Variants in NEK10 observed in about 807,000 individuals in gnomAD.
The protein encoded by NEK10 is serine/threonine-protein kinase Nek10.
NEK10 carries 122 observed loss-of-function variants against 159.8 expected under a neutral mutation model. The ratio of observed to expected loss-of-function variants is 0.76; its 90% CI spans 0.66 to 0.89. The LOEUF (loss-of-function observed/expected upper bound fraction) is 0.89. NEK10 is among the 40% of genes least tolerant of loss of function. The probability of loss-of-function intolerance (pLI) is 0.00; values close to 1 mark genes in which losing one functional copy is unlikely to be tolerated. For synonymous variants in NEK10, 466 were observed against 457.1 expected, an observed-to-expected ratio of 1.02 and a Z score of -0.25; for missense variants, 1,342 against 1,323.1, an observed-to-expected ratio of 1.01 and a Z score of -0.22.
chr3:27,159,568 A>C (rs990112239), intron 30 of NEK10, among the ~76,000 whole-genome samples: 7 of 152,090 alleles, frequency 4.6e-5, no homozygotes, highest in Admixed American at 2.0e-4. Context: ...TATTCATATT[A>C]ATTACTGGTA....
chr3:27,162,315 C>T (rs1946088206), intron 30 of NEK10: 1 of 1,382,974 alleles, frequency 7.2e-7, no homozygotes, highest in Non-Finnish European at 9.6e-7. Context: ...AATCGCCAAA[C>T]TAATAATGGT....
chr3:27,285,620 C>CT (rs2042534715), intron 20 of NEK10, among the ~76,000 whole-genome samples: 1 of 151,890 alleles, frequency 6.6e-6, no homozygotes, highest in African/African-American at 2.4e-5. Context: ...TTGTGTTTGT[C>CT]TTTTTGCTTT....
intron 23 of NEK10, among the ~76,000 whole-genome samples, chr3:27,205,228 A>C (rs1362981593): frequency 2.7e-5 from 4 of 150,206 alleles, no homozygotes; most frequent in South Asian, 4.4e-4. Context: ...AAATGGATAA[A>C]CATTCCATGC....
At chr3:27,191,982 C>A in intron 26 of NEK10, 47 bp downstream of exon 26, 1 of 1,528,294 alleles carries the variant, frequency 6.5e-7, no homozygotes, top group Non-Finnish European at 9.1e-7. Context: ...CAACTTCAGA[C>A]AGCCCATTAG....
intron 3 of NEK10, among the ~76,000 whole-genome samples, chr3:27,350,378 A>G (rs2047883471): frequency 6.6e-6 from 1 of 152,184 alleles, no homozygotes; most frequent in Admixed American, 6.5e-5. Flanking sequence ...CAAGCAAAGT[A>G]TAAATAAGTG....
At chr3:27,207,588 A>C (rs1223794662) in intron 23 of NEK10, among the ~76,000 whole-genome samples, 1 of 152,180 alleles carries the variant, frequency 6.6e-6, no homozygotes, top group Non-Finnish European at 1.5e-5. Context: ...CTGTAAGTCT[A>C]TCTTATTGAA....
intron 23 of NEK10, among the ~76,000 whole-genome samples, chr3:27,237,127 A>G (rs542448207): frequency 6.6e-6 from 1 of 152,330 alleles, no homozygotes; most frequent in South Asian, 2.1e-4. Context: ...GCTCTCTGCA[A>G]GAAGAAAAAT....
chr3:27,354,316 T>C (rs1008497338), intron 1 of NEK10, among the ~76,000 whole-genome samples: 10 of 152,192 alleles, frequency 6.6e-5, no homozygotes, highest in African/African-American at 1.4e-4. Context: ...ATTTCCATAA[T>C]TGTATTGAAC....
At chr3:27,341,952 C>T (rs576621178) in intron 5 of NEK10, among the ~76,000 whole-genome samples, 21 of 152,214 alleles carry the variant, frequency 1.4e-4, no homozygotes, top group Non-Finnish European at 2.2e-4. Context: ...ACCAAGGACC[C>T]AAATTCCCAC....
intron 26 of NEK10, among the ~76,000 whole-genome samples, chr3:27,176,441 T>C (rs142900942): frequency 2.4e-4 from 36 of 152,318 alleles, no homozygotes; most frequent in African/African-American, 8.4e-4. Context: ...AAAAGATATA[T>C]GCTACTCAGA....
intron 1 of NEK10, among the ~76,000 whole-genome samples, chr3:27,368,017 G>C (rs1382857554): frequency 6.6e-6 from 1 of 152,192 alleles, no homozygotes; most frequent in African/African-American, 2.4e-5. Context: ...GTTTAGCCGG[G>C]CACGGTGGCT....
chr3:27,109,324 A>T lies in NEK10; in HGVS notation c.*1948T>A, dbSNP rs1237741326. Among the ~76,000 whole-genome samples, 1 of 150,370 alleles carries T rather than the reference A, an allele frequency of 6.7e-6. No homozygotes were observed. Among genetic ancestry groups the T allele is most frequent in the Non-Finnish European group, 1.5e-5 (1 of 67,642 alleles). On this transcript the variant is annotated 3_prime_UTR_variant, in exon 36 of 36. Transcript: ENST00000691995. ...AACCTGGGTGGCGGAGGTTGCAGTAAGTTAAGATCTCGCCATTGCACTCAA... is the reference window on the plus strand; with the variant it reads ...AACCTGGGTGGCGGAGGTTGCAGTATGTTAAGATCTCGCCATTGCACTCAA...
At chr3:27,327,883 T>C (rs1011421206) in intron 5 of NEK10, among the ~76,000 whole-genome samples, 2 of 151,526 alleles carry the variant, frequency 1.3e-5, no homozygotes, top group East Asian at 3.9e-4. Flanking sequence ...TAAGACAGAG[T>C]CCAATTTTTT....
chr3:27,311,851 T>G, intron 8 of NEK10: 2 of 426,526 alleles, frequency 4.7e-6, no homozygotes, highest in East Asian at 4.0e-5. Flanking sequence ...TTACCAAAAT[T>G]TGCTTTTATG....
chr3:27,125,873 C>T (rs1941885029), intron 32 of NEK10, among the ~76,000 whole-genome samples: 1 of 152,166 alleles, frequency 6.6e-6, no homozygotes, highest in African/African-American at 2.4e-5. Flanking sequence ...CACTGTTCTA[C>T]ACTACTTACA....
chr3:27,321,092 G>A (rs749412460), intron 6 of NEK10, among the ~76,000 whole-genome samples: 4 of 151,812 alleles, frequency 2.6e-5, no homozygotes, highest in Non-Finnish European at 5.9e-5. Flanking sequence ...CAATAAAATC[G>A]AGTTCAAAAT....
At chr3:27,348,851 T>C (rs1257432938) in intron 3 of NEK10, among the ~76,000 whole-genome samples, 2 of 152,196 alleles carry the variant, frequency 1.3e-5, no homozygotes, top group African/African-American at 4.8e-5. Flanking sequence ...GGGCATATTG[T>C]AGGTATTCAA....
At chr3:27,157,942 T>C in intron 30 of NEK10, among the ~76,000 whole-genome samples, 1 of 152,186 alleles carries the variant, frequency 6.6e-6, no homozygotes, top group East Asian at 1.9e-4. Context: ...CTTTAGCACT[T>C]TTTAGCAACA....
At chr3:27,116,278 G>A in intron 33 of NEK10, 151 bp from the exon 34 acceptor site, 1 of 697,718 alleles carries the variant, frequency 1.4e-6, no homozygotes. Flanking sequence ...ATCTGCCTTG[G>A]CTTTGAATAT....
Sources: gnomAD v4.1 joint callset for allele counts (sites outside exome capture counted in the v4.1 genomes callset) on GRCh38, gnomAD v4.1.1 for gene constraint, MANE v1.5 for transcripts, NCBI Gene and HGNC (gene_info 2026-07-23, HGNC 2026-07-21) for gene names.